SP100: variants seen among roughly 807,000 people sequenced by gnomAD.
The protein encoded by SP100 is SP100 nuclear body protein.
A neutral mutation model predicts 130.0 loss-of-function variants in SP100; 84 were observed. The observed-to-expected ratio is 0.65, with a 90% CI of 0.54 to 0.77. SP100 has a LOEUF of 0.77. SP100 is among the 30% of genes least tolerant of loss of function. SP100 has a pLI of 0.00. For missense variants in SP100, 978 were observed against 1,052.2 expected (o/e 0.93, Z 0.97); for synonymous variants, 331 against 351.7 (o/e 0.94, Z 0.66).
intron 15 of SP100, among the ~76,000 whole-genome samples, chr2:230,471,931 C>G (rs183236668): frequency 7.5e-4 from 114 of 152,078 alleles, no homozygotes; most frequent in African/African-American, 2.7e-3. Flanking sequence ...GTACCAGAAA[C>G]GTGAAAATAA....
chr2:230,509,383 A>G (rs1690404487), intron 23 of SP100: 2 of 152,164 alleles, frequency 1.3e-5, no homozygotes, highest in African/African-American at 4.8e-5. Flanking sequence ...TACCTGCTCC[A>G]CTGGCTTTAT....
intron 17 of SP100, among the ~76,000 whole-genome samples, chr2:230,493,011 T>C (rs2066470770): frequency 6.6e-6 from 1 of 152,182 alleles, no homozygotes; most frequent in Non-Finnish European, 1.5e-5. Flanking sequence ...GTCCAATAAA[T>C]TTGTTGGAAA....
chr2:230,458,498 G>A (rs908663841), intron 8 of SP100, among the ~76,000 whole-genome samples: 1 of 152,186 alleles, frequency 6.6e-6, no homozygotes, highest in African/African-American at 2.4e-5. Flanking sequence ...TTGTTGAAGG[G>A]TCAACTGTGT....
At chr2:230,451,434 G>A (rs1263738828) in intron 8 of SP100, among the ~76,000 whole-genome samples, 1 of 152,154 alleles carries the variant, frequency 6.6e-6, no homozygotes, top group Non-Finnish European at 1.5e-5. Flanking sequence ...ATTTGCATGT[G>A]TTCCCTTAAG....
intron 11 of SP100, among the ~76,000 whole-genome samples, chr2:230,465,510 T>C (rs1257797568): frequency 6.6e-6 from 1 of 152,244 alleles, no homozygotes; most frequent in Non-Finnish European, 1.5e-5. Flanking sequence ...AAATACCATA[T>C]GTTCTCACTT....
intron 8 of SP100, among the ~76,000 whole-genome samples, chr2:230,460,516 T>TGTC (rs2064532501): frequency 6.6e-6 from 1 of 151,956 alleles, no homozygotes; most frequent in Non-Finnish European, 1.5e-5. Context: ...CAATGGTAGT[T>TGTC]GTCTTTGAGC....
intron 18 of SP100, among the ~76,000 whole-genome samples, chr2:230,496,747 C>G (rs1327293785): frequency 6.6e-6 from 1 of 152,154 alleles, no homozygotes; most frequent in Non-Finnish European, 1.5e-5. Context: ...TACCAATTCC[C>G]TCAGTCTCCC....
chr2:230,420,021 A>G (rs1410137862), intron 2 of SP100, among the ~76,000 whole-genome samples: 1 of 152,192 alleles, frequency 6.6e-6, no homozygotes, highest in Non-Finnish European at 1.5e-5. Flanking sequence ...ATTTAGGAAG[A>G]ATTTATGTTT....
intron 2 of SP100, among the ~76,000 whole-genome samples, chr2:230,438,686 C>CAT (rs1459429980): frequency 1.3e-4 from 20 of 148,364 alleles, no homozygotes; most frequent in African/African-American, 5.1e-4. Context: ...CACACACACA[C>CAT]ATATGGTATA....
intron 17 of SP100, among the ~76,000 whole-genome samples, chr2:230,491,103 G>A (rs2066368550): frequency 1.3e-5 from 2 of 152,126 alleles, no homozygotes; most frequent in South Asian, 2.1e-4. Context: ...ATCTCTTTCA[G>A]GTACTCCAAT....
At chr2:230,481,291 G>A (rs980969845) in intron 17 of SP100, among the ~76,000 whole-genome samples, 2 of 152,032 alleles carry the variant, frequency 1.3e-5, no homozygotes, top group African/African-American at 2.4e-5. Context: ...AGTCTAACAG[G>A]TGTCTTAAAT....
rs13415617 is a variant in SP100 at position 230,475,981 on chromosome 2, G to C, written c.1600+1534G>C. The stretch of plus-strand genomic sequence containing the variant: ...GAAGTTGGGCAACGCGATGCCTCTA[G>C]CTTTGTTCTTTTTGTTTACAATTGC... On this transcript the variant is annotated intron_variant, in intron 17 of 28. Coordinates refer to ENST00000340126, the MANE Select transcript of SP100 (RefSeq NM_001080391.2). 7.9e-3 allele frequency among the ~76,000 whole-genome samples: 1,201 copies of C among 152,276 alleles called. 22 individuals carry two copies. The highest frequency in any genetic ancestry group is 0.028 in the African/African-American group (1,153 of 41,548).
intron 20 of SP100, among the ~76,000 whole-genome samples, 200 bp downstream of exon 20, chr2:230,503,310 G>T (rs2067140195): frequency 6.6e-6 from 1 of 152,128 alleles, no homozygotes; most frequent in Non-Finnish European, 1.5e-5. Flanking sequence ...AACCCCTCAT[G>T]CAGGGTTCCC....
At chr2:230,513,524 A>AC (rs2150087050) in intron 24 of SP100, among the ~76,000 whole-genome samples, 1 of 152,292 alleles carries the variant, frequency 6.6e-6, no homozygotes, top group East Asian at 1.9e-4. Flanking sequence ...TGATTAAAAA[A>AC]AAAAAAAAAT....
rs777674941 is a variant in SP100, at chr2:230,464,141, A to T, written c.1132A>T (p.Ile378Phe). The T allele has an allele frequency of 6.2e-7, 1 of 1,603,332 alleles. No individual in the cohort carries two copies. ...AGAAGCCACTTGCTCACGACCCCAG[A>T]TTGTACCAGGTAAGAATATTAGAGT... Reference protein sequence around the residue: ...GQEATCSRPQIVPEPMDFRKL... With the variant: ...GQEATCSRPQFVPEPMDFRKL... The change falls in exon 11 of 29, where the codon ATT (isoleucine) becomes TTT (phenylalanine). Residue 378 changes from isoleucine to phenylalanine, a missense_variant. Physicochemically the swap from Ile to Phe is conservative, Grantham distance 21. Transcript: ENST00000340126.
chr2:230,477,943 ACAAAC>A (rs1559510358), intron 17 of SP100, among the ~76,000 whole-genome samples: 23 of 148,524 alleles, frequency 1.5e-4, no homozygotes, highest in South Asian at 2.1e-4. Flanking sequence ...TCAAAACAAA[ACAAAC>A]AAAAAAAAAA....
intron 2 of SP100, among the ~76,000 whole-genome samples, chr2:230,435,553 GC>G (rs539002959): frequency 1.3e-3 from 197 of 152,082 alleles, no homozygotes; most frequent in Middle Eastern, 3.4e-3. Context: ...ATTTGATTCA[GC>G]TTTTTTTCCA....
intron 8 of SP100, among the ~76,000 whole-genome samples, chr2:230,457,491 TAG>T (rs2064341667): frequency 6.6e-6 from 1 of 152,200 alleles, no homozygotes; most frequent in African/African-American, 2.4e-5. Context: ...GGGTACTGGC[TAG>T]AGTCTGGGGC....
chr2:230,499,965 C>G (rs989614613), intron 19 of SP100, among the ~76,000 whole-genome samples: 1 of 152,098 alleles, frequency 6.6e-6, no homozygotes, highest in Admixed American at 6.6e-5. Flanking sequence ...CTCCCAATCC[C>G]CTACCATGTT....
Sources: allele counts gnomAD v4.1 joint callset (sites outside exome capture counted in the v4.1 genomes callset), GRCh38; gene constraint gnomAD v4.1.1; transcripts MANE v1.5; gene names NCBI Gene and HGNC (gene_info 2026-07-23, HGNC 2026-07-21).